TSHR: variants seen among roughly 807,000 people sequenced by gnomAD.
The protein encoded by TSHR is thyrotropin receptor.
A neutral mutation model predicts 64.1 loss-of-function variants in TSHR; 51 were observed. The observed-to-expected ratio is 0.80, with a 90% CI of 0.64 to 1.01. The LOEUF (loss-of-function observed/expected upper bound fraction) is 1.01, where lower values mean the gene tolerates loss of function less well. TSHR is among the 50% of genes least tolerant of loss of function. The pLI, the probability that TSHR is intolerant of heterozygous loss-of-function variation, is 0.00. For missense variants in TSHR, 877 were observed against 942.8 expected (o/e 0.93, Z 0.91); for synonymous variants, 361 against 361.9 (o/e 1.00, Z 0.03).
chr14:81,098,177 G>A (rs73335936), intron 7 of TSHR, among the ~76,000 whole-genome samples: 5,477 of 152,278 alleles, frequency 0.036, 313 homozygotes, highest in African/African-American at 0.12. Flanking sequence ...TCTGGTGGGG[G>A]TCAGCTCAAG....
chr14:80,959,219 A>AT (rs1460272404), intron 1 of TSHR, among the ~76,000 whole-genome samples: 1 of 152,154 alleles, frequency 6.6e-6, no homozygotes, highest in Non-Finnish European at 1.5e-5. Flanking sequence ...GAGAGCTGGG[A>AT]TCCCTACTTC....
At chr14:80,982,357 T>C (rs1325788563) in intron 1 of TSHR, 13 of 1,238,656 alleles carry the variant, frequency 1.0e-5, no homozygotes, top group Non-Finnish European at 1.4e-5. Flanking sequence ...TTCCTGGTTC[T>C]GAAATGGAGA....
At chr14:81,117,518 A>C (rs1186649746) in intron 8 of TSHR, among the ~76,000 whole-genome samples, 1 of 130,668 alleles carries the variant, frequency 7.7e-6, no homozygotes, top group Non-Finnish European at 1.6e-5. Flanking sequence ...CAATAACAGG[A>C]GCTGAAATTG....
At chr14:80,970,885 T>G (rs571869188) in intron 1 of TSHR, among the ~76,000 whole-genome samples, 1 of 152,158 alleles carries the variant, frequency 6.6e-6, no homozygotes, top group African/African-American at 2.4e-5. Flanking sequence ...GTAGTTCATT[T>G]TTTGGCTGGC....
chr14:81,068,457 T>C (rs1886821882), intron 3 of TSHR, 129 bp downstream of exon 3: 2 of 783,680 alleles, frequency 2.6e-6, no homozygotes. Flanking sequence ...ATGATTAAAT[T>C]ATTAACCTGT....
chr14:81,092,544 A>C lies in TSHR; in HGVS notation c.481A>C (p.Asn161His). 6.2e-7 allele frequency: 1 copy of C among 1,614,144 alleles called. No individual in the cohort carries two copies. Among genetic ancestry groups the C allele is most frequent in the Non-Finnish European group, 8.5e-7 (1 of 1,179,992 alleles). The change falls in exon 6 of 10, where the codon AAC (asparagine) becomes CAC (histidine). Residue 161 changes from asparagine (N) to histidine (H), a missense_variant. Coordinates refer to ENST00000298171, the MANE Select transcript of TSHR (RefSeq NM_000369.5). Reference sequence around the variant, plus strand: ...TCTCTCTTGCAGTGAAATTACAGACAACCCTTACATGACGTCAATCCCTGT... The same window carrying C: ...TCTCTCTTGCAGTGAAATTACAGACCACCCTTACATGACGTCAATCCCTGT... ...DIFFILEITD[N>H]PYMTSIPVNA...
intron 1 of TSHR, among the ~76,000 whole-genome samples, chr14:81,002,311 T>C (rs60462373): frequency 0.33 from 49,946 of 151,910 alleles, 8,641 homozygotes; most frequent in East Asian, 0.57. Flanking sequence ...TGTAAAAGAG[T>C]ATAGACTCTG....
chr14:81,126,001 G>A (rs948267424), intron 8 of TSHR, among the ~76,000 whole-genome samples: 6 of 151,888 alleles, frequency 4.0e-5, no homozygotes, highest in African/African-American at 9.7e-5. Context: ...ACAGGGAATG[G>A]TCTGCTTCAG....
At chr14:81,126,152 A>C (rs1218088957) in intron 8 of TSHR, among the ~76,000 whole-genome samples, 1 of 152,228 alleles carries the variant, frequency 6.6e-6, no homozygotes, top group Non-Finnish European at 1.5e-5. Context: ...ACATTAAATC[A>C]CAGCAATCTA....
At chr14:81,050,249 T>C (rs1290924197) in intron 1 of TSHR, 1 of 152,084 alleles carries the variant, frequency 6.6e-6, no homozygotes, top group African/African-American at 2.4e-5. Context: ...TCCCAACCGG[T>C]CTATGTCCAG....
At chr14:81,076,344 T>G (rs986500066) in intron 3 of TSHR, among the ~76,000 whole-genome samples, 14 of 151,944 alleles carry the variant, frequency 9.2e-5, no homozygotes, top group African/African-American at 3.4e-4. Context: ...TCCTGTGTAG[T>G]CTTCTCTTTT....
At chr14:81,124,930 A>C (rs181529998) in intron 8 of TSHR, among the ~76,000 whole-genome samples, 244 of 152,184 alleles carry the variant, frequency 1.6e-3, no homozygotes, top group Middle Eastern at 0.014. Flanking sequence ...CCTAAATAAA[A>C]TTTTGGTCCT....
chr14:81,011,223 C>CT (rs5810009), intron 1 of TSHR, among the ~76,000 whole-genome samples: 67,021 of 150,486 alleles, frequency 0.45, 16,808 homozygotes, highest in South Asian at 0.63. Context: ...TTTCTTCTTT[C>CT]TTTTTTTTTC....
intron 1 of TSHR, chr14:81,013,041 C>G (rs940492154): frequency 1.3e-5 from 2 of 152,046 alleles, no homozygotes; most frequent in East Asian, 3.9e-4. Context: ...AATGGTAGTG[C>G]CTAGGTTTTC....
chr14:81,112,773 A>G (rs1890278292), intron 8 of TSHR, among the ~76,000 whole-genome samples: 1 of 152,238 alleles, frequency 6.6e-6, no homozygotes. Flanking sequence ...AAACAAAGGG[A>G]CAAGCCTGGG....
intron 1 of TSHR, among the ~76,000 whole-genome samples, chr14:80,973,235 C>T (rs1887668645): frequency 6.6e-6 from 1 of 151,660 alleles, no homozygotes; most frequent in African/African-American, 2.4e-5. Context: ...GAAACCCCGT[C>T]TCTACTAAAA....
At chr14:81,107,397 A>C (rs545961518) in intron 7 of TSHR, among the ~76,000 whole-genome samples, 16 of 152,298 alleles carry the variant, frequency 1.1e-4, no homozygotes, top group African/African-American at 3.8e-4. Flanking sequence ...GAGTTATTCT[A>C]AATGTGTAAA....
At chr14:80,999,108 T>G (rs1384813541) in intron 1 of TSHR, among the ~76,000 whole-genome samples, 1 of 152,238 alleles carries the variant, frequency 6.6e-6, no homozygotes, top group African/African-American at 2.4e-5. Flanking sequence ...TACAGAGTTT[T>G]AGAGACTTGG....
At position 81,143,822 on chromosome 14, in the gene TSHR, G is replaced by A. The variant is rs1345153465; in HGVS notation, c.1764G>A (p.Thr588=). The change falls in exon 10 of 10, where the codon ACG becomes ACA. Residue 588 remains threonine, a synonymous_variant. Coordinates refer to ENST00000298171, the MANE Select transcript of TSHR (RefSeq NM_000369.5). ...LALAYIVFVL[T]LNIVAFVIVC... ...TGGCATATATTGTTTTTGTTCTGACGCTCAACATAGTTGCCTTCGTCATCG... is the reference window on the plus strand; with the variant it reads ...TGGCATATATTGTTTTTGTTCTGACACTCAACATAGTTGCCTTCGTCATCG... The A allele has an allele frequency of 1.1e-5, 18 of 1,613,582 alleles. No homozygotes were observed. The highest frequency in any genetic ancestry group is 1.6e-4 in the Middle Eastern group (1 of 6,084).
Sources: allele counts gnomAD v4.1 joint callset (sites outside exome capture counted in the v4.1 genomes callset), GRCh38; gene constraint gnomAD v4.1.1; transcripts MANE v1.5; gene names NCBI Gene and HGNC (gene_info 2026-07-23, HGNC 2026-07-21).